The following RIN2 variants were observed in gnomAD, a reference collection of about 807,000 sequenced individuals.
RIN2 encodes the protein RAB5 interacting protein 2.
Under a neutral mutation model 78.0 loss-of-function variants are expected in RIN2, and 36 were observed. The observed-to-expected ratio is 0.46, with a 90% confidence interval of 0.35 to 0.61. The LOEUF is 0.61. Ranked by LOEUF, RIN2 falls within the 20% of genes least tolerant of loss-of-function variation. The probability of loss-of-function intolerance (pLI) is 0.00; values close to 1 mark genes in which losing one functional copy is unlikely to be tolerated. For synonymous variants in RIN2, 466 were observed against 466.8 expected, an observed-to-expected ratio of 1.00 and a Z score of 0.02; for missense variants, 1,087 against 1,159.7, an observed-to-expected ratio of 0.94 and a Z score of 0.91.
intron 2 of RIN2, among the ~76,000 whole-genome samples, chr20:19,853,995 G>T (rs1385446702): frequency 6.6e-6 from 1 of 152,200 alleles, no homozygotes; most frequent in African/African-American, 2.4e-5. Flanking sequence ...TTTTCTTCTA[G>T]GGTTTTGATG....
intron 2 of RIN2, among the ~76,000 whole-genome samples, chr20:19,815,843 G>A (rs546454489): frequency 1.3e-5 from 2 of 152,348 alleles, no homozygotes; most frequent in African/African-American, 2.4e-5. Context: ...TTTGGGCAAC[G>A]ATGAAAGTTG....
chr20:19,977,889 C>T (rs1041780508), intron 9 of RIN2, among the ~76,000 whole-genome samples: 1 of 152,034 alleles, frequency 6.6e-6, no homozygotes, highest in Non-Finnish European at 1.5e-5. Flanking sequence ...TAAAAGCAGT[C>T]AGTTCCTCCT....
At chr20:19,823,596 C>T (rs2035993374) in intron 2 of RIN2, 2 of 1,527,716 alleles carry the variant, frequency 1.3e-6, no homozygotes, top group African/African-American at 1.4e-5. Context: ...ATTGGTGCCG[C>T]ATCTGTCGAG....
intron 2 of RIN2, among the ~76,000 whole-genome samples, chr20:19,835,753 T>G (rs192047298): frequency 6.6e-6 from 1 of 152,222 alleles, no homozygotes; most frequent in East Asian, 1.9e-4. Flanking sequence ...ATTATTTAAA[T>G]TTTTTCAAGC....
intron 2 of RIN2, among the ~76,000 whole-genome samples, chr20:19,844,707 T>C (rs13045241): frequency 0.09 from 1,504 of 16,716 alleles, 44 homozygotes; most frequent in East Asian, 0.27. Context: ...CCTCTTCTTC[T>C]TCTTCTTCTT....
intron 1 of RIN2, among the ~76,000 whole-genome samples, chr20:19,779,292 A>G (rs1297217907): frequency 6.6e-6 from 1 of 151,334 alleles, no homozygotes; most frequent in East Asian, 1.9e-4. Context: ...CATTCAAAGC[A>G]CAGATTAAAA....
At chr20:19,806,349 C>T (rs528813624) in intron 2 of RIN2, among the ~76,000 whole-genome samples, 16 of 152,284 alleles carry the variant, frequency 1.1e-4, no homozygotes, top group African/African-American at 2.9e-4. Flanking sequence ...AGTGTAAAAG[C>T]GTTCCTATTT....
At chr20:19,940,018 C>G (rs2040802732) in intron 4 of RIN2, among the ~76,000 whole-genome samples, 1 of 152,126 alleles carries the variant, frequency 6.6e-6, no homozygotes, top group African/African-American at 2.4e-5. Context: ...CCACCACCGG[C>G]TAAGTTTTTG....
intron 1 of RIN2, among the ~76,000 whole-genome samples, chr20:19,758,676 C>T (rs1459375225): frequency 6.6e-6 from 1 of 152,054 alleles, no homozygotes; most frequent in Non-Finnish European, 1.5e-5. Flanking sequence ...GCTCGAGGTG[C>T]GGAGGTGCGG....
chr20:19,898,883 A>G (rs2038857625), intron 3 of RIN2, among the ~76,000 whole-genome samples: 1 of 152,256 alleles, frequency 6.6e-6, no homozygotes, highest in Non-Finnish European at 1.5e-5. Flanking sequence ...TCTGGGGTGA[A>G]AGCAGAAATA....
chr20:19,819,689 C>T (rs1303618766), intron 2 of RIN2, among the ~76,000 whole-genome samples: 1 of 152,148 alleles, frequency 6.6e-6, no homozygotes, highest in Non-Finnish European at 1.5e-5. Flanking sequence ...TGCATGCCAC[C>T]ATGCCTAGCT....
intron 7 of RIN2, among the ~76,000 whole-genome samples, 196 bp downstream of exon 7, chr20:19,965,220 C>T (rs750431726): frequency 4.6e-5 from 7 of 152,108 alleles, no homozygotes; most frequent in Non-Finnish European, 8.8e-5. Flanking sequence ...AAGGTCAAAA[C>T]GACTATCCCA....
intron 3 of RIN2, among the ~76,000 whole-genome samples, chr20:19,905,048 T>C (rs1469934411): frequency 3.9e-5 from 6 of 152,166 alleles, no homozygotes; most frequent in Admixed American, 2.6e-4. Context: ...TCTCCCAAGC[T>C]CTTCCAGCCT....
chr20:19,962,138 CAA>C (rs112843574), intron 6 of RIN2, among the ~76,000 whole-genome samples: 1,430 of 129,512 alleles, frequency 0.011, 26 homozygotes, highest in African/African-American at 0.034. Context: ...CCATCTCCAC[CAA>C]AAAAAAAAAA....
chr20:19,884,896 C>T (rs1199202319), intron 2 of RIN2, among the ~76,000 whole-genome samples: 2 of 152,150 alleles, frequency 1.3e-5, no homozygotes, highest in African/African-American at 2.4e-5. Context: ...TTCTTAGATT[C>T]GGACTTGACC....
chr20:19,775,740 C>T (rs1375114352), intron 1 of RIN2, among the ~76,000 whole-genome samples: 2 of 152,226 alleles, frequency 1.3e-5, no homozygotes, highest in Non-Finnish European at 2.9e-5. Context: ...TGTCCACTGA[C>T]AGAGTCCAAA....
chr20:19,945,215 C>G (rs537121489), intron 4 of RIN2, among the ~76,000 whole-genome samples: 1 of 152,186 alleles, frequency 6.6e-6, no homozygotes, highest in Non-Finnish European at 1.5e-5. Context: ...ACTTGGAGTC[C>G]TCTTTCCACC....
chr20:19,884,188 G>A (rs185875655), intron 2 of RIN2, among the ~76,000 whole-genome samples: 11 of 152,006 alleles, frequency 7.2e-5, no homozygotes, highest in Admixed American at 4.6e-4. Context: ...AAGCCAAGGC[G>A]GGAGGATTGC....
At chr20:19,915,105 T>C (rs1380263225) in intron 3 of RIN2, among the ~76,000 whole-genome samples, 1 of 152,168 alleles carries the variant, frequency 6.6e-6, no homozygotes, top group African/African-American at 2.4e-5. Flanking sequence ...TCTGAATTTA[T>C]AGTAAAAAGA....
Sources: gnomAD v4.1 joint callset for allele counts (sites outside exome capture counted in the v4.1 genomes callset) on GRCh38, gnomAD v4.1.1 for gene constraint, MANE v1.5 for transcripts, NCBI Gene and HGNC (gene_info 2026-07-23, HGNC 2026-07-21) for gene names.